Variants in GRM3 observed in about 807,000 individuals in gnomAD.
GRM3 encodes the protein metabotropic glutamate receptor 3.
GRM3 carries 26 observed loss-of-function variants against 70.5 expected under a neutral mutation model. That is an observed-to-expected ratio of 0.37 (90% CI 0.27 to 0.51). The LOEUF (loss-of-function observed/expected upper bound fraction) is 0.51. Among genes scored for constraint, GRM3 ranks in the 20% least tolerant of loss-of-function variants. The probability of loss-of-function intolerance (pLI) is 0.93; values close to 1 mark genes in which losing one functional copy is unlikely to be tolerated. For missense variants in GRM3, 859 were observed against 1,123.8 expected (o/e 0.76, Z 3.37); for synonymous variants, 443 against 434.9 (o/e 1.02, Z -0.23).
At chr7:86,704,433 C>A (rs1267829347) in intron 1 of GRM3, among the ~76,000 whole-genome samples, 1 of 151,816 alleles carries the variant, frequency 6.6e-6, no homozygotes, top group Non-Finnish European at 1.5e-5. Flanking sequence ...AGGAAATCAT[C>A]GTTTCTAATG....
In GRM3 at chr7:86,786,713, G is replaced by T; in HGVS notation, c.921G>T (p.Glu307Asp). The T allele has an allele frequency of 1.9e-6, 3 of 1,613,054 alleles. No individual in the cohort carries two copies. Among genetic ancestry groups the T allele is most frequent in the Non-Finnish European group, 2.5e-6 (3 of 1,180,014 alleles). ...WVASDGWGAQ[E>D]SIIKGSEHVA... is the part of the protein sequence containing the mutation. ...CCAGCGACGGCTGGGGCGCGCAGGA[G>T]AGCATCATCAAGGGCAGCGAGCATG... The change falls in exon 3 of 6, where the codon GAG becomes GAT. Residue 307 changes from glutamate to aspartate, a missense_variant. Coordinates refer to ENST00000361669, the MANE Select transcript of GRM3 (RefSeq NM_000840.3). This position sits in a 1 kb window ranked among gnomAD's most constrained non-coding sequence, Gnocchi z 6.0.
At chr7:86,808,471 C>G (rs572333690) in intron 3 of GRM3, among the ~76,000 whole-genome samples, 1 of 151,120 alleles carries the variant, frequency 6.6e-6, no homozygotes, top group African/African-American at 2.5e-5. Context: ...ATGGCCCCAC[C>G]CTCTTCTGTA....
chr7:86,816,878 G>A (rs1232199791), intron 3 of GRM3, among the ~76,000 whole-genome samples: 2 of 151,916 alleles, frequency 1.3e-5, no homozygotes, highest in African/African-American at 4.8e-5. Context: ...AGAGATAAGT[G>A]TGGGAATTAG....
intron 1 of GRM3, among the ~76,000 whole-genome samples, chr7:86,755,394 C>CG (rs763292565): frequency 1.3e-5 from 2 of 152,054 alleles, no homozygotes; most frequent in Non-Finnish European, 2.9e-5. Flanking sequence ...TAATCATAAC[C>CG]TTGGAAGTGG....
chr7:86,760,136 T>C (rs867923301), intron 1 of GRM3, among the ~76,000 whole-genome samples: 23 of 152,056 alleles, frequency 1.5e-4, no homozygotes, highest in African/African-American at 5.1e-4. Flanking sequence ...GTATGTATGG[T>C]TTCTGGCATT....
Position 86,765,107 on chromosome 7 carries a change from C to T in GRM3, c.-39C>T, listed in dbSNP as rs1385270008. ...AGAGGACTAGCATGACACATTGGCT[C>T]CACCATTGATATCTCCCAGAGGTAC... On this transcript the variant is annotated 5_prime_UTR_variant, in exon 2 of 6. Coordinates refer to ENST00000361669, the MANE Select transcript of GRM3 (RefSeq NM_000840.3). 2 of 1,526,536 alleles carry T rather than the reference C, an allele frequency of 1.3e-6. No individual in the cohort carries two copies. The allele number at this position is 1,526,536 out of a possible 1,614,324, so 94.6% of individuals were successfully genotyped here.
At chr7:86,771,009 C>T (rs139803788) in intron 2 of GRM3, among the ~76,000 whole-genome samples, 42 of 152,158 alleles carry the variant, frequency 2.8e-4, no homozygotes, top group African/African-American at 9.4e-4. Context: ...CATACATTGG[C>T]AAGTTACAAA....
At chr7:86,825,370 A>G (rs1345391445) in intron 3 of GRM3, among the ~76,000 whole-genome samples, 1 of 152,212 alleles carries the variant, frequency 6.6e-6, no homozygotes, top group Non-Finnish European at 1.5e-5. Context: ...TTTCTTAACG[A>G]CGTGTGGATA....
chr7:86,845,983 A>G (rs1798648203), intron 4 of GRM3, among the ~76,000 whole-genome samples: 2 of 152,160 alleles, frequency 1.3e-5, no homozygotes, highest in Admixed American at 1.3e-4. Context: ...TCTTTTTGAT[A>G]CAAAATTAAC....
At chr7:86,651,505 T>C (rs1234638365) in intron 1 of GRM3, among the ~76,000 whole-genome samples, 1 of 152,144 alleles carries the variant, frequency 6.6e-6, no homozygotes, top group Non-Finnish European at 1.5e-5. Flanking sequence ...GTCAAAAACG[T>C]TGGAATTTAT....
chr7:86,797,698 G>A (rs1797582405), intron 3 of GRM3, among the ~76,000 whole-genome samples: 3 of 152,206 alleles, frequency 2.0e-5, no homozygotes, highest in African/African-American at 4.8e-5. Flanking sequence ...TGCATAAGGA[G>A]TGAGGAGTCA....
Position 86,746,313 on chromosome 7 carries a change from A to G in GRM3, c.-140-18693A>G, listed in dbSNP as rs374332604. Among the ~76,000 whole-genome samples the G allele has an allele frequency of 2.5e-3, 340 of 133,602 alleles. 3 individuals carry two copies. Among genetic ancestry groups the G allele is most frequent in the African/African-American group, 9.3e-3 (321 of 34,468 alleles). 87.6% of individuals were successfully genotyped at this position (133,602 alleles called of 152,430 possible). A position where few individuals can be genotyped will look rare whatever the true frequency, so the allele number is the denominator to read the frequency against. On this transcript the variant is annotated intron_variant, in intron 1 of 5. Coordinates refer to ENST00000361669, the MANE Select transcript of GRM3 (RefSeq NM_000840.3). ...ATACCACTGAGAAACAAAACTCAAT[A>G]TATGACTAATAGAGGGTCAGTCATG...
chr7:86,690,700 A>C (rs1794676692), intron 1 of GRM3, among the ~76,000 whole-genome samples: 1 of 152,114 alleles, frequency 6.6e-6, no homozygotes, highest in Non-Finnish European at 1.5e-5. Flanking sequence ...AGAACAAGAG[A>C]GAGGACAGCT....
intron 1 of GRM3, among the ~76,000 whole-genome samples, chr7:86,700,875 T>TA (rs1374196989): frequency 6.6e-6 from 1 of 151,996 alleles, no homozygotes; most frequent in Non-Finnish European, 1.5e-5. Flanking sequence ...CAACTTACGT[T>TA]AATAGCATCA....
chr7:86,787,320 A>G (rs2116552404), intron 3 of GRM3, among the ~76,000 whole-genome samples: 1 of 152,358 alleles, frequency 6.6e-6, no homozygotes, highest in East Asian at 1.9e-4. Flanking sequence ...CTGGTACACG[A>G]CATGGCAATG....
At chr7:86,661,137 G>A (rs1465220353) in intron 1 of GRM3, among the ~76,000 whole-genome samples, 1 of 151,876 alleles carries the variant, frequency 6.6e-6, no homozygotes. Flanking sequence ...GGGCTTCCTT[G>A]GCTTCCCTGA....
At chr7:86,713,644 T>C (rs192303830) in intron 1 of GRM3, among the ~76,000 whole-genome samples, 39 of 152,108 alleles carry the variant, frequency 2.6e-4, no homozygotes, top group African/African-American at 9.4e-4. Context: ...TAGGATGCCT[T>C]TTTCTGTACT....
At chr7:86,820,389 C>T (rs1798096062) in intron 3 of GRM3, among the ~76,000 whole-genome samples, 1 of 152,028 alleles carries the variant, frequency 6.6e-6, no homozygotes, top group South Asian at 2.1e-4. Context: ...TTACTGTTAC[C>T]TCTAGGTCAT....
intron 5 of GRM3, among the ~76,000 whole-genome samples, chr7:86,861,877 A>G (rs1798967049): frequency 6.6e-6 from 1 of 152,190 alleles, no homozygotes; most frequent in African/African-American, 2.4e-5. Context: ...ACAAAAAAGC[A>G]AGAGTGGAAA....
Sources: allele counts gnomAD v4.1 joint callset (sites outside exome capture counted in the v4.1 genomes callset), GRCh38; gene constraint gnomAD v4.1.1; non-coding constraint Gnocchi (gnomAD v3.1); transcripts MANE v1.5; gene names NCBI Gene and HGNC (gene_info 2026-07-23, HGNC 2026-07-21).